The following KIAA2013 variants were observed in gnomAD, a reference collection of about 807,000 sequenced individuals.
KIAA2013 encodes uncharacterized protein KIAA2013.
KIAA2013 carries 20 observed loss-of-function variants against 39.9 expected under a neutral mutation model. The observed-to-expected ratio is 0.50, with a 90% CI of 0.35 to 0.73. KIAA2013 has a LOEUF of 0.73. Among genes scored for constraint, KIAA2013 ranks in the 30% least tolerant of loss-of-function variants. KIAA2013 has a pLI of 0.01. For synonymous variants in KIAA2013, 336 were observed against 416.6 expected, an observed-to-expected ratio of 0.81 and a Z score of 2.35; for missense variants, 587 against 856.1, an observed-to-expected ratio of 0.69 and a Z score of 3.92.
chr1:11,920,692 C>T (rs1326415390), intron 2 of KIAA2013, among the ~76,000 whole-genome samples: 1 of 152,236 alleles, frequency 6.6e-6, no homozygotes, highest in Non-Finnish European at 1.5e-5. Flanking sequence ...AAAACCCACA[C>T]GATGCACATT....
intron 2 of KIAA2013, among the ~76,000 whole-genome samples, chr1:11,920,714 C>T (rs1645468801): frequency 6.6e-6 from 1 of 152,238 alleles, no homozygotes; most frequent in South Asian, 2.1e-4. Flanking sequence ...GGCACCTGTC[C>T]TAGTGCAGCT....
chr1:11,923,559 C>CAG lies in KIAA2013; in HGVS notation c.1034-71_1034-70insCT, dbSNP rs1645488389. ...GGAGGCAGAGCATACGAAATAAAGA[C>CAG]CAAGGGCAGCAGAAGAGTGAGGTGT... is the stretch of plus-strand genomic sequence containing the variant. On this transcript the variant is annotated intron_variant, in intron 1 of 2. Coordinates refer to ENST00000376572, the MANE Select transcript of KIAA2013 (RefSeq NM_138346.3). The surrounding 1 kb of genome is among the most constrained non-coding windows in gnomAD (Gnocchi z 4.6). 2.7e-6 allele frequency: 4 copies of CAG among 1,505,514 alleles called. No individual in the cohort carries two copies. The Admixed American group carries it at 5.3e-5, about 20-fold the overall frequency. The allele number at this position is 1,505,514 out of a possible 1,614,324, so 93.3% of individuals were successfully genotyped here. A position where few individuals can be genotyped will look rare whatever the true frequency, so the allele number is the denominator to read the frequency against.
At chr1:11,921,520 TTTTTA>T (rs1268796324) in intron 2 of KIAA2013, among the ~76,000 whole-genome samples, 6 of 151,850 alleles carry the variant, frequency 4.0e-5, no homozygotes, top group Non-Finnish European at 8.8e-5. Flanking sequence ...GTTGCAGTTA[TTTTTA>T]TTTTATTATT....
At chr1:11,920,552 C>T (rs1294295288) in intron 2 of KIAA2013, among the ~76,000 whole-genome samples, 9 of 152,150 alleles carry the variant, frequency 5.9e-5, no homozygotes, top group Admixed American at 5.2e-4. Context: ...AAGGAGAGAT[C>T]GGTCAGTACC....
At chr1:11,924,736 C>T (rs1569637754) in intron 1 of KIAA2013, among the ~76,000 whole-genome samples, 2 of 152,282 alleles carry the variant, frequency 1.3e-5, no homozygotes, top group South Asian at 4.1e-4. Flanking sequence ...GATTCTCCAA[C>T]CTCCCTGTGA....
In KIAA2013 at chr1:11,925,177, G is replaced by A. The variant is rs1645498160; in HGVS notation, c.1033+28C>T. The A allele has an allele frequency of 1.9e-6, 3 of 1,538,802 alleles. No individual in the cohort carries two copies. Among genetic ancestry groups the A allele is most frequent in the Non-Finnish European group, 2.6e-6 (3 of 1,142,846 alleles). ...GCAGACTTGGGAGGGACATATCTAG[G>A]GTGGACCAAGCGCTGGCCAGGACTC... On this transcript the variant is annotated intron_variant, in intron 1 of 2. Coordinates refer to ENST00000376572, the MANE Select transcript of KIAA2013 (RefSeq NM_138346.3). The surrounding 1 kb of genome is among the most constrained non-coding windows in gnomAD (Gnocchi z 5.2).
In KIAA2013 at chr1:11,922,786, A is replaced by G. The variant is rs773881602; in HGVS notation, c.1737T>C (p.His579=). Residue 579 remains histidine, a synonymous_variant, in exon 2 of 3, where the codon CAT becomes CAC. Transcript: ENST00000376572. The part of the protein sequence containing the change: ...HTLHLKAILA[H]DEHMAQQDPG... ...GGTCCTGCTGGGCCATGTGCTCATCATGGGCCAGGATGGCCTTGAGGTGCA... is the reference window on the plus strand; with the variant it reads ...GGTCCTGCTGGGCCATGTGCTCATCGTGGGCCAGGATGGCCTTGAGGTGCA... 18 of 1,613,642 alleles carry G rather than the reference A, an allele frequency of 1.1e-5. No individual in the cohort carries two copies. Among genetic ancestry groups the G allele is most frequent in the Non-Finnish European group, 1.4e-5 (17 of 1,179,686 alleles).
In KIAA2013 at chr1:11,922,736, A is replaced by C; in HGVS notation, c.1787T>G (p.Phe596Cys). Residue 596 changes from phenylalanine to cysteine, a missense_variant, in exon 2 of 3, where the codon TTC (phenylalanine) becomes TGC (cysteine). Transcript: ENST00000376572. ...QDPGLPFLFW[F>C]SVASLITLFH... ...GAGGGTGATTAGGGAGGCCACGCTG[A>C]ACCAGAAGAGGAAGGGCAGCCCGGG... 6.2e-7 allele frequency: 1 copy of C among 1,614,028 alleles called. No individual in the cohort carries two copies. Among genetic ancestry groups the C allele is most frequent in the Non-Finnish European group, 8.5e-7 (1 of 1,179,974 alleles).
intron 2 of KIAA2013, 131 bp from the exon 3 acceptor site, chr1:11,920,463 C>T (rs1400772360): frequency 1.9e-5 from 17 of 911,608 alleles, no homozygotes; most frequent in East Asian, 4.8e-5. Context: ...AGAATTACCA[C>T]GGACTCAGTG....
intron 2 of KIAA2013, 62 bp downstream of exon 2, chr1:11,922,574 C>G: frequency 1.3e-6 from 2 of 1,589,008 alleles, no homozygotes; most frequent in Non-Finnish European, 1.7e-6. Flanking sequence ...TAGCCCCTTC[C>G]GAGACACAGG....
At chr1:11,922,549 C>A in intron 2 of KIAA2013, 87 bp downstream of exon 2, 3 of 1,564,372 alleles carry the variant, frequency 1.9e-6, no homozygotes, top group South Asian at 1.2e-5. Flanking sequence ...CAGGCCTCAC[C>A]CCCCCTCGCC....
chr1:11,923,086 G>C lies in KIAA2013; in HGVS notation c.1437C>G (p.Asn479Lys). 1 of 1,611,430 alleles carries C rather than the reference G, an allele frequency of 6.2e-7. No individual in the cohort carries two copies. Among genetic ancestry groups the C allele is most frequent in the Non-Finnish European group, 8.5e-7 (1 of 1,177,898 alleles). Residue 479 changes from asparagine (N) to lysine (K), a missense_variant, in exon 2 of 3, where the codon AAC becomes AAG. By Grantham distance (94) the Asn-to-Lys change is moderately conservative. Transcript: ENST00000376572. The surrounding 1 kb of genome is among the most constrained non-coding windows in gnomAD (Gnocchi z 4.6). ...AGCGGATGCCATGCAATGCATAGCT[G>C]TTGTGCAGCACGTCGGGGTCGGCCT... ...QFQADPDVLH[N>K]SYALHGIRYK... is the part of the protein sequence containing the mutation.
rs1304887781 is a variant in KIAA2013, at chr1:11,925,174, T to C, written c.1033+31A>G. The C allele has an allele frequency of 6.5e-7, 1 of 1,534,514 alleles. No individual in the cohort carries two copies. Among genetic ancestry groups the C allele is most frequent in the East Asian group, 2.3e-5 (1 of 44,232 alleles). Reference sequence around the variant, plus strand: ...TCTGCAGACTTGGGAGGGACATATCTAGGGTGGACCAAGCGCTGGCCAGGA... The same window carrying C: ...TCTGCAGACTTGGGAGGGACATATCCAGGGTGGACCAAGCGCTGGCCAGGA... On this transcript the variant is annotated intron_variant, in intron 1 of 2. Transcript: ENST00000376572. This position sits in a 1 kb window ranked among gnomAD's most constrained non-coding sequence, Gnocchi z 5.2.
chr1:11,921,530 A>T (rs1380752360), intron 2 of KIAA2013, among the ~76,000 whole-genome samples: 8 of 151,172 alleles, frequency 5.3e-5, no homozygotes, highest in Admixed American at 5.3e-4. Context: ...TTTTTATTTT[A>T]TTATTATTAT....
rs772920571 is a variant in KIAA2013, at chr1:11,925,452, C to G, written c.786G>C (p.Val262=). ...TCACCAGCTTCTTGGCGGCCACCAC[C>G]ACCAGGTGCACCAACCCAGTGGGCG... ...PPTPTGLVHL[V]VVAAKKLVNR... Residue 262 remains valine (V), a synonymous_variant, in exon 1 of 3, where the codon GTG becomes GTC. Transcript: ENST00000376572. This position sits in a 1 kb window ranked among gnomAD's most constrained non-coding sequence, Gnocchi z 5.2. The G allele has an allele frequency of 1.2e-6, 2 of 1,611,248 alleles. No individual in the cohort carries two copies. The highest frequency in any genetic ancestry group is 2.2e-5 in the East Asian group (1 of 44,880).
chr1:11,926,267 G>A lies in KIAA2013; in HGVS notation c.-30C>T, dbSNP rs1472886730. 7 of 1,081,470 alleles carry A rather than the reference G, an allele frequency of 6.5e-6. No individual in the cohort carries two copies. The highest frequency in any genetic ancestry group is 7.9e-6 in the Non-Finnish European group (7 of 890,698). The allele number at this position is 1,081,470 out of a possible 1,614,324, so 67.0% of individuals were successfully genotyped here. On this transcript the variant is annotated 5_prime_UTR_variant, in exon 1 of 3. Coordinates refer to ENST00000376572, the MANE Select transcript of KIAA2013 (RefSeq NM_138346.3). The stretch of plus-strand genomic sequence containing the variant: ...CCGCCAGGCGCGGGCAAGGGTGCGA[G>A]GGCGGCCGCCGGGCCCGCCGCCCAG...
At chr1:11,921,557 T>A (rs1464623887) in intron 2 of KIAA2013, among the ~76,000 whole-genome samples, 3 of 151,728 alleles carry the variant, frequency 2.0e-5, no homozygotes, top group African/African-American at 7.3e-5. Context: ...TTATTTATTT[T>A]TTATTTTTTT....
Position 11,926,159 on chromosome 1 carries a change from C to T in KIAA2013, c.79G>A (p.Gly27Ser). Reference protein sequence around the residue: ...SWARRLLCLLGLLLLLLWFGG... With the variant: ...SWARRLLCLLSLLLLLLWFGG... ...AACCACAGAAGCAGCAGCAGGAGGC[C>T]AAGCAGGCAGAGGAGGCGGCGGGCC... Residue 27 changes from glycine to serine, a missense_variant, in exon 1 of 3, where the codon GGC becomes AGC. Gly to Ser is a moderately conservative substitution (Grantham distance 56). Transcript: ENST00000376572. The T allele has an allele frequency of 7.1e-7, 1 of 1,401,574 alleles. No homozygotes were observed. The highest frequency in any genetic ancestry group is 1.5e-5 in the African/African-American group (1 of 66,120). 86.8% of individuals were successfully genotyped at this position (1,401,574 alleles called of 1,614,324 possible).
chr1:11,920,623 G>A (rs1645468407), intron 2 of KIAA2013, among the ~76,000 whole-genome samples: 2 of 152,228 alleles, frequency 1.3e-5, no homozygotes, highest in South Asian at 2.1e-4. Flanking sequence ...GCACTCAAGA[G>A]CGAGGGCAGA....
Sources: gnomAD v4.1 joint callset for allele counts (sites outside exome capture counted in the v4.1 genomes callset) on GRCh38, gnomAD v4.1.1 for gene constraint, Gnocchi (gnomAD v3.1) non-coding constraint, MANE v1.5 for transcripts, NCBI Gene and HGNC (gene_info 2026-07-23, HGNC 2026-07-21) for gene names.